Variants in KDM2B observed in about 807,000 individuals in gnomAD.
The protein encoded by KDM2B is lysine demethylase 2B, also known as lysine-specific demethylase 2B.
Under a neutral mutation model 150.0 loss-of-function variants are expected in KDM2B, and 26 were observed. The ratio of observed to expected loss-of-function variants is 0.17; its 90% confidence interval spans 0.13 to 0.24. The LOEUF (loss-of-function observed/expected upper bound fraction) is 0.24, where lower values mean the gene tolerates loss of function less well. Among genes scored for constraint, KDM2B ranks in the 10% least tolerant of loss-of-function variants. The probability of loss-of-function intolerance (pLI) is 1.00; values close to 1 mark genes in which losing one functional copy is unlikely to be tolerated. For missense variants in KDM2B, 1,265 were observed against 1,816.9 expected, an observed-to-expected ratio of 0.70 and a Z score of 5.52; for synonymous variants, 734 against 729.5, an observed-to-expected ratio of 1.01 and a Z score of -0.10.
rs536792599 is a variant in KDM2B at position 121,567,099 on chromosome 12, G to A, written c.397+7448C>T. ...GAGGTTTTACCATGTTGGCCAGGCC[G>A]GTCTCAAACTCCTGACCTCTGTGGT... On this transcript the variant is annotated intron_variant, in intron 4 of 22. Coordinates refer to ENST00000377071, the MANE Select transcript of KDM2B (RefSeq NM_032590.5). Among the ~76,000 whole-genome samples, 7 of 152,128 alleles carry A rather than the reference G, an allele frequency of 4.6e-5. No individual in the cohort carries two copies. In the East Asian group the frequency reaches 9.7e-4, roughly 21 times the overall value.
chr12:121,542,394 C>T (rs1197442981), intron 6 of KDM2B, among the ~76,000 whole-genome samples: 1 of 152,210 alleles, frequency 6.6e-6, no homozygotes, highest in South Asian at 2.1e-4. Flanking sequence ...CTCCACCCCC[C>T]TTGGCCTCCC....
intron 11 of KDM2B, among the ~76,000 whole-genome samples, chr12:121,503,735 G>A (rs1273650948): frequency 1.3e-5 from 2 of 152,234 alleles, no homozygotes; most frequent in Admixed American, 1.3e-4. Context: ...CTCACCTTTA[G>A]CTGCAACCTA....
chr12:121,446,274 TG>T (rs1876235415), intron 13 of KDM2B, among the ~76,000 whole-genome samples: 1 of 152,134 alleles, frequency 6.6e-6, no homozygotes, highest in Non-Finnish European at 1.5e-5. Context: ...GGCGGGCGCC[TG>T]TAGTCCCAGC....
chr12:121,536,663 T>G (rs1555308769), intron 6 of KDM2B, among the ~76,000 whole-genome samples: 3 of 151,812 alleles, frequency 2.0e-5, no homozygotes, highest in South Asian at 2.1e-4. Flanking sequence ...CGTCTTGGTT[T>G]TTTTTTTTTT....
intron 4 of KDM2B, among the ~76,000 whole-genome samples, chr12:121,563,976 G>A (rs1248000767): frequency 1.3e-5 from 2 of 151,994 alleles, no homozygotes; most frequent in Non-Finnish European, 2.9e-5. Flanking sequence ...AATGATCTGG[G>A]CATGGTGGCG....
chr12:121,483,731 A>G (rs1223840705), intron 12 of KDM2B, among the ~76,000 whole-genome samples: 1 of 152,028 alleles, frequency 6.6e-6, no homozygotes, highest in African/African-American at 2.4e-5. Flanking sequence ...ACACACACAC[A>G]CACACAAACA....
At chr12:121,542,363 T>G (rs1888674215) in intron 6 of KDM2B, among the ~76,000 whole-genome samples, 1 of 152,252 alleles carries the variant, frequency 6.6e-6, no homozygotes, top group Admixed American at 6.5e-5. Context: ...CAGGCTGCTC[T>G]TGAACTCCTG....
At chr12:121,572,287 A>G (rs1891155910) in intron 4 of KDM2B, among the ~76,000 whole-genome samples, 1 of 152,164 alleles carries the variant, frequency 6.6e-6, no homozygotes, top group Admixed American at 6.6e-5. Flanking sequence ...ACCCCACTTT[A>G]AAGCTCCCCA....
At chr12:121,536,723 AAC>A (rs1178779234) in intron 6 of KDM2B, among the ~76,000 whole-genome samples, 1 of 150,748 alleles carries the variant, frequency 6.6e-6, no homozygotes, top group East Asian at 2.0e-4. Flanking sequence ...GCCTCAGCTG[AAC>A]ACAGTCTAGG....
At chr12:121,431,295 CTTTTTTT>C (rs71453557) in intron 22 of KDM2B, among the ~76,000 whole-genome samples, 32,842 of 98,738 alleles carry the variant, frequency 0.33, 4,927 homozygotes, top group East Asian at 0.48. Flanking sequence ...CCATGTGCAA[CTTTTTTT>C]TTTTTTTTTT....
At chr12:121,427,206 GCATT>G (rs1255278699), downstream of KDM2B, among the ~76,000 whole-genome samples, 4 of 151,414 alleles carry the variant, frequency 2.6e-5, no homozygotes, top group Non-Finnish European at 5.9e-5. Context: ...GTTGCTTGTA[GCATT>G]TAGCCTCGGC....
chr12:121,479,852 C>T (rs184171196), intron 12 of KDM2B, among the ~76,000 whole-genome samples: 273 of 152,172 alleles, frequency 1.8e-3, no homozygotes, highest in Non-Finnish European at 2.8e-3. Flanking sequence ...GAACTCCTGA[C>T]CTCAAGTGAG....
intron 4 of KDM2B, among the ~76,000 whole-genome samples, chr12:121,557,594 C>T (rs781565302): frequency 1.1e-4 from 17 of 152,174 alleles, no homozygotes; most frequent in African/African-American, 3.1e-4. Flanking sequence ...CACGTGAAGA[C>T]GGAGGCAGAG....
chr12:121,503,565 G>C (rs1566347868), intron 11 of KDM2B, among the ~76,000 whole-genome samples: 1 of 152,074 alleles, frequency 6.6e-6, no homozygotes, highest in Non-Finnish European at 1.5e-5. Context: ...TCCCACTTTG[G>C]CCTCCCAAAG....
At chr12:121,550,820 A>G (rs1889428194) in intron 4 of KDM2B, among the ~76,000 whole-genome samples, 1 of 152,056 alleles carries the variant, frequency 6.6e-6, no homozygotes, top group African/African-American at 2.4e-5. Flanking sequence ...TACAATAGCC[A>G]TACGTTTTGA....
chr12:121,500,659 G>A (rs1884452728), intron 11 of KDM2B, among the ~76,000 whole-genome samples: 1 of 152,222 alleles, frequency 6.6e-6, no homozygotes, highest in East Asian at 1.9e-4. Context: ...CTGCTCTGGG[G>A]AACCAGCACC....
chr12:121,475,577 A>C (rs574477351), intron 12 of KDM2B, among the ~76,000 whole-genome samples: 1 of 152,020 alleles, frequency 6.6e-6, no homozygotes, highest in African/African-American at 2.4e-5. Flanking sequence ...CCTGGGTGAC[A>C]GACAGGGACT....
chr12:121,526,531 C>A (rs1555306808), intron 8 of KDM2B, among the ~76,000 whole-genome samples: 1 of 151,988 alleles, frequency 6.6e-6, no homozygotes, highest in African/African-American at 2.4e-5. Flanking sequence ...CTGACCTGGT[C>A]ACTGTGAGAT....
rs1459279322 is a variant in KDM2B, at chr12:121,556,412, T to C, written c.398-6774A>G. ...GGCACCTCCCTCCTCTCTCTCTTGCTCCCTCTGTGGCTATGTGACACACCA... is the reference window on the plus strand; with the variant it reads ...GGCACCTCCCTCCTCTCTCTCTTGCCCCCTCTGTGGCTATGTGACACACCA... On this transcript the variant is annotated intron_variant, in intron 4 of 22. Coordinates refer to ENST00000377071, the MANE Select transcript of KDM2B (RefSeq NM_032590.5). Among the ~76,000 whole-genome samples, 3 of 152,250 alleles carry C rather than the reference T, an allele frequency of 2.0e-5. No homozygotes were observed. The East Asian group carries it at 5.8e-4, about 29-fold the overall frequency.
Sources: allele counts gnomAD v4.1 joint callset (sites outside exome capture counted in the v4.1 genomes callset), GRCh38; gene constraint gnomAD v4.1.1; transcripts MANE v1.5; gene names NCBI Gene and HGNC (gene_info 2026-07-23, HGNC 2026-07-21).